SOX5: variants seen among roughly 807,000 people sequenced by gnomAD.
SOX5 encodes the protein SRY-box transcription factor 5, also known as transcription factor SOX-5.
Under a neutral mutation model 92.0 loss-of-function variants are expected in SOX5, and 9 were observed. That is an observed-to-expected ratio of 0.10 (90% CI 0.06 to 0.17). The LOEUF is 0.17. Among genes scored for constraint, SOX5 ranks in the 10% least tolerant of loss-of-function variants. The pLI is 1.00. For missense variants in SOX5, 642 were observed against 944.5 expected, an observed-to-expected ratio of 0.68 and a Z score of 4.20; for synonymous variants, 344 against 336.3, an observed-to-expected ratio of 1.02 and a Z score of -0.25.
chr12:23,570,707 G>A (rs1241578481), intron 10 of SOX5, among the ~76,000 whole-genome samples: 2 of 151,138 alleles, frequency 1.3e-5, no homozygotes, highest in South Asian at 2.1e-4. Flanking sequence ...TCAGGAGATC[G>A]AGACCATCCT....
chr12:23,649,663 A>T (rs1057055608), intron 7 of SOX5, among the ~76,000 whole-genome samples: 2 of 152,146 alleles, frequency 1.3e-5, no homozygotes, highest in Non-Finnish European at 2.9e-5. Context: ...TGCTTTCAGA[A>T]TACAACATAG....
intron 1 of SOX5, among the ~76,000 whole-genome samples, chr12:24,441,805 G>A (rs1940650684): frequency 6.6e-6 from 1 of 152,098 alleles, no homozygotes; most frequent in Non-Finnish European, 1.5e-5. Flanking sequence ...GCGGTTTCAT[G>A]GAGAGATACT....
chr12:23,690,046 T>G (rs1325731617), intron 6 of SOX5, among the ~76,000 whole-genome samples: 1 of 152,164 alleles, frequency 6.6e-6, no homozygotes, highest in African/African-American at 2.4e-5. Context: ...AATCACTACC[T>G]CAAGTTGGGT....
intron 1 of SOX5, among the ~76,000 whole-genome samples, chr12:24,462,333 C>T (rs1055818510): frequency 2.0e-5 from 3 of 152,026 alleles, no homozygotes; most frequent in Non-Finnish European, 2.9e-5. Flanking sequence ...ATGGGACCAC[C>T]ATCCTATATA....
intron 4 of SOX5, among the ~76,000 whole-genome samples, chr12:24,016,647 A>T (rs1953651608): frequency 6.6e-6 from 1 of 152,250 alleles, no homozygotes; most frequent in Non-Finnish European, 1.5e-5. Flanking sequence ...AACGCAAAAA[A>T]ATGGGAGACC....
intron 11 of SOX5, among the ~76,000 whole-genome samples, chr12:23,548,892 G>T (rs964897430): frequency 1.3e-4 from 19 of 151,902 alleles, no homozygotes; most frequent in Admixed American, 1.2e-3. Flanking sequence ...AAATTCAATT[G>T]AATGGCATAT....
In SOX5 at chr12:23,616,886, A is replaced by G. The variant is rs143895104; in HGVS notation, c.1018-12353T>C. On this transcript the variant is annotated intron_variant, in intron 8 of 14. Transcript: ENST00000451604. Reference sequence around the variant, plus strand: ...TGTAATCCCAGAACTCTGAGAGGCCAAGGTGGGACGATCACTTGAGGGCAG... The same window carrying G: ...TGTAATCCCAGAACTCTGAGAGGCCGAGGTGGGACGATCACTTGAGGGCAG... 9.4e-3 allele frequency among the ~76,000 whole-genome samples: 1,429 copies of G among 152,212 alleles called. 22 individuals carry two copies. The highest frequency in any genetic ancestry group is 0.031 in the African/African-American group (1,288 of 41,544).
chr12:24,425,738 A>G (rs867615), intron 1 of SOX5, among the ~76,000 whole-genome samples: 33,762 of 152,154 alleles, frequency 0.22, 4,725 homozygotes, highest in East Asian at 0.66. Flanking sequence ...GCTGTTCCTC[A>G]GAAACTATGC....
chr12:24,268,888 A>G (rs1391790490), intron 3 of SOX5, among the ~76,000 whole-genome samples: 1 of 152,082 alleles, frequency 6.6e-6, no homozygotes, highest in Admixed American at 6.5e-5. Context: ...CATATTCAGT[A>G]TTTTGTTTTG....
chr12:24,339,265 A>T (rs2141052635), intron 2 of SOX5, among the ~76,000 whole-genome samples: 1 of 151,816 alleles, frequency 6.6e-6, no homozygotes, highest in Non-Finnish European at 1.5e-5. Context: ...TGTGGCATGA[A>T]TTTGACCTCC....
intron 5 of SOX5, among the ~76,000 whole-genome samples, chr12:23,737,083 T>C (rs1046513894): frequency 6.6e-6 from 1 of 152,232 alleles, no homozygotes; most frequent in East Asian, 1.9e-4. Context: ...TCCTCCCACA[T>C]AGCAATATTT....
At chr12:24,298,983 A>G (rs1565856982) in intron 2 of SOX5, among the ~76,000 whole-genome samples, 1 of 152,086 alleles carries the variant, frequency 6.6e-6, no homozygotes, top group South Asian at 2.1e-4. Context: ...CTGTTATTTC[A>G]CAATGAAAGT....
chr12:24,313,351 G>A lies in SOX5; in HGVS notation c.-173-36039C>T, dbSNP rs1295114556. Among the ~76,000 whole-genome samples, 9 of 152,040 alleles carry A rather than the reference G, an allele frequency of 5.9e-5. No individual in the cohort carries two copies. In the East Asian group the frequency reaches 1.7e-3, roughly 29 times the overall value. ...AAGACTAACCTGGGCAACAGAGTGAGACCCCATCTCTATAAAAAAATAAAA... is the reference window on the plus strand; with the variant it reads ...AAGACTAACCTGGGCAACAGAGTGAAACCCCATCTCTATAAAAAAATAAAA... On this transcript the variant is annotated intron_variant, in intron 2 of 4. Transcript: ENST00000446891.
intron 4 of SOX5, among the ~76,000 whole-genome samples, chr12:24,186,508 C>T (rs564872166): frequency 7.9e-5 from 12 of 151,918 alleles, no homozygotes; most frequent in Non-Finnish European, 1.6e-4. Flanking sequence ...AAGATGAGGG[C>T]TTTATAATAA....
At chr12:23,569,162 A>C (rs1947693344) in intron 10 of SOX5, among the ~76,000 whole-genome samples, 1 of 152,180 alleles carries the variant, frequency 6.6e-6, no homozygotes, top group African/African-American at 2.4e-5. Flanking sequence ...ACTGCACTTC[A>C]GCTTGGGTGA....
chr12:24,156,291 G>C (rs1952164588), intron 4 of SOX5, among the ~76,000 whole-genome samples: 1 of 152,148 alleles, frequency 6.6e-6, no homozygotes, highest in Non-Finnish European at 1.5e-5. Context: ...CAGGACTTCT[G>C]AAAGCATAAC....
intron 1 of SOX5, among the ~76,000 whole-genome samples, chr12:23,909,919 C>T (rs2097333486): frequency 6.6e-6 from 1 of 151,964 alleles, no homozygotes; most frequent in African/African-American, 2.4e-5. Flanking sequence ...AAATCCACCC[C>T]AACCTCTACT....
At chr12:24,436,492 A>G (rs764254572) in intron 1 of SOX5, among the ~76,000 whole-genome samples, 7 of 152,362 alleles carry the variant, frequency 4.6e-5, no homozygotes, top group African/African-American at 1.4e-4. Context: ...TTCAATTCTT[A>G]TGAAGGCTGA....
chr12:24,303,370 A>T (rs1360415827), intron 2 of SOX5, among the ~76,000 whole-genome samples: 2 of 152,316 alleles, frequency 1.3e-5, no homozygotes, highest in East Asian at 1.9e-4. Flanking sequence ...GTTCATAGGA[A>T]TTCAAAAAGT....
Sources: allele counts gnomAD v4.1 joint callset (sites outside exome capture counted in the v4.1 genomes callset), GRCh38; gene constraint gnomAD v4.1.1; transcripts MANE v1.5; gene names NCBI Gene and HGNC (gene_info 2026-07-23, HGNC 2026-07-21).